The following OCA2 variants were observed in gnomAD, a reference collection of about 807,000 sequenced individuals.
OCA2 encodes the protein P protein.
OCA2 carries 77 observed loss-of-function variants against 100.2 expected under a neutral mutation model. The ratio of observed to expected loss-of-function variants is 0.77; its 90% CI spans 0.64 to 0.93. The LOEUF (loss-of-function observed/expected upper bound fraction) is 0.93. Among genes scored for constraint, OCA2 ranks in the 40% least tolerant of loss-of-function variants. OCA2 has a pLI of 0.00. For missense variants in OCA2, 1,062 were observed against 1,089.1 expected (o/e 0.98, Z 0.35); for synonymous variants, 432 against 439.2 (o/e 0.98, Z 0.21).
intron 19 of OCA2, among the ~76,000 whole-genome samples, chr15:27,890,591 T>C (rs1007338634): frequency 2.0e-5 from 3 of 152,134 alleles, no homozygotes; most frequent in Non-Finnish European, 4.4e-5. Flanking sequence ...CTGTCAACCA[T>C]ACATTCTATA....
At chr15:27,887,617 CTT>C (rs34199755) in intron 19 of OCA2, among the ~76,000 whole-genome samples, 33,168 of 120,018 alleles carry the variant, frequency 0.28, 4,439 homozygotes, top group East Asian at 0.57. Context: ...CACTAAACCT[CTT>C]TTTTTTTTTT....
intron 23 of OCA2, among the ~76,000 whole-genome samples, chr15:27,809,907 T>C (rs773474079): frequency 6.6e-6 from 1 of 152,208 alleles, no homozygotes; most frequent in Non-Finnish European, 1.5e-5. Flanking sequence ...TGCTCATGGA[T>C]GGGAAGAATC....
intron 23 of OCA2, among the ~76,000 whole-genome samples, chr15:27,781,647 T>C (rs559274246): frequency 8.5e-5 from 13 of 152,354 alleles, no homozygotes; most frequent in African/African-American, 3.1e-4. Context: ...ATTATTAGAA[T>C]CATTTATTAA....
chr15:27,817,198 C>T (rs1399929944), intron 23 of OCA2, among the ~76,000 whole-genome samples: 1 of 152,104 alleles, frequency 6.6e-6, no homozygotes. Context: ...ATGGAAGCCT[C>T]ATGAAGGAAG....
In OCA2 at chr15:28,032,125, G is replaced by C. The variant is rs2042923212; in HGVS notation, c.266C>G (p.Ser89Cys). 6.2e-7 allele frequency: 1 copy of C among 1,613,970 alleles called. No individual in the cohort carries two copies. Among genetic ancestry groups the C allele is most frequent in the Non-Finnish European group, 8.5e-7 (1 of 1,179,952 alleles). The change falls in exon 3 of 24, where the codon TCT (serine) becomes TGT (cysteine). Residue 89 changes from serine to cysteine, a missense_variant. Ser to Cys is a moderately radical substitution (Grantham distance 112). Transcript: ENST00000354638. ...GTTTTCTGTAAAGCAGGAATCTTTA[G>C]ACCTGGAGCTGGACATCTGGGGCAA... is the stretch of plus-strand genomic sequence containing the variant. ...SSLPQMSSSR[S>C]KDSCFTENTP... is the part of the protein sequence containing the mutation.
intron 14 of OCA2, among the ~76,000 whole-genome samples, chr15:27,976,774 C>T (rs2040980664): frequency 6.6e-6 from 1 of 152,160 alleles, no homozygotes; most frequent in Non-Finnish European, 1.5e-5. Flanking sequence ...AATATTCTCA[C>T]CTCTTCAATT....
chr15:28,095,002 G>A (rs2044945849), intron 1 of OCA2, among the ~76,000 whole-genome samples: 1 of 152,260 alleles, frequency 6.6e-6, no homozygotes, highest in South Asian at 2.1e-4. Context: ...AGGAGCCTGG[G>A]TCACCTGCTC....
intron 23 of OCA2, among the ~76,000 whole-genome samples, chr15:27,810,158 G>T (rs1199644074): frequency 6.6e-6 from 1 of 152,194 alleles, no homozygotes; most frequent in Non-Finnish European, 1.5e-5. Context: ...CATGGTACTG[G>T]TATAAAAGTA....
intron 9 of OCA2, among the ~76,000 whole-genome samples, chr15:27,995,813 CTTTT>C (rs768060710): frequency 2.2e-5 from 3 of 136,800 alleles, no homozygotes; most frequent in Admixed American, 7.4e-5. Flanking sequence ...TTAAGCAACA[CTTTT>C]TTTTTTTTTT....
intron 19 of OCA2, among the ~76,000 whole-genome samples, chr15:27,882,437 T>G (rs1185741388): frequency 6.6e-6 from 1 of 152,192 alleles, no homozygotes; most frequent in Non-Finnish European, 1.5e-5. Context: ...CCCTGAGAAC[T>G]CCCAACCTTT....
intron 19 of OCA2, among the ~76,000 whole-genome samples, chr15:27,887,464 C>T (rs2037271276): frequency 6.6e-6 from 1 of 151,596 alleles, no homozygotes; most frequent in Non-Finnish European, 1.5e-5. Context: ...ATGGGGGGCA[C>T]CCCATCCCCT....
intron 2 of OCA2, among the ~76,000 whole-genome samples, chr15:28,063,813 G>A (rs1406440393): frequency 6.6e-6 from 1 of 152,138 alleles, no homozygotes; most frequent in Non-Finnish European, 1.5e-5. Flanking sequence ...GCAGATGGTA[G>A]AATGAAGGAG....
intron 2 of OCA2, among the ~76,000 whole-genome samples, chr15:28,072,134 G>A (rs1240551477): frequency 4.6e-5 from 7 of 152,196 alleles, no homozygotes; most frequent in Admixed American, 6.5e-5. Context: ...TTGGGAGGCC[G>A]AAGCGGGTGG....
the OCA2 span, among the ~76,000 whole-genome samples, chr15:27,719,983 G>T: frequency 1.3e-5 from 2 of 152,144 alleles, no homozygotes; most frequent in South Asian, 4.2e-4. Flanking sequence ...CTCACATACT[G>T]GTATAGATTT....
chr15:27,872,256 T>C (rs749981452), intron 19 of OCA2, among the ~76,000 whole-genome samples: 1 of 152,138 alleles, frequency 6.6e-6, no homozygotes. Flanking sequence ...TACCACTCCA[T>C]ATAGATCTTT....
At chr15:27,961,767 G>A (rs1376765369) in intron 15 of OCA2, among the ~76,000 whole-genome samples, 1 of 152,076 alleles carries the variant, frequency 6.6e-6, no homozygotes, top group East Asian at 1.9e-4. Flanking sequence ...ATGGACACAG[G>A]GAGGGGATCA....
At chr15:27,831,345 T>G (rs1159860596) in intron 23 of OCA2, among the ~76,000 whole-genome samples, 1 of 134,016 alleles carries the variant, frequency 7.5e-6, no homozygotes, top group Non-Finnish European at 1.6e-5. Context: ...GCCCCTGGAA[T>G]AAAGCTCAGT....
intron 2 of OCA2, among the ~76,000 whole-genome samples, chr15:28,068,935 T>C (rs998984500): frequency 2.0e-5 from 3 of 152,118 alleles, no homozygotes; most frequent in African/African-American, 7.2e-5. Context: ...ACTGAAGGAA[T>C]GTACCTCATA....
At chr15:27,743,658 C>T in the OCA2 span, among the ~76,000 whole-genome samples, 1 of 152,192 alleles carries the variant, frequency 6.6e-6, no homozygotes, top group African/African-American at 2.4e-5. Context: ...AACTAAATGC[C>T]TGCTGTCCTT....
Sources: gnomAD v4.1 joint callset for allele counts (sites outside exome capture counted in the v4.1 genomes callset) on GRCh38, gnomAD v4.1.1 for gene constraint, MANE v1.5 for transcripts, NCBI Gene and HGNC (gene_info 2026-07-23, HGNC 2026-07-21) for gene names.